The following CSTL1 variants were observed in gnomAD, a reference collection of about 807,000 sequenced individuals.
CSTL1 encodes the protein cystatin like 1.
In CSTL1, 14 loss-of-function variants were observed where a neutral mutation model predicts 14.4. That is an observed-to-expected ratio of 0.97 (90% CI 0.64 to 1.52). CSTL1 has a LOEUF of 1.52. CSTL1 is among the 40% of genes most tolerant of loss of function. The pLI is 0.00. For synonymous variants in CSTL1, 72 were observed against 67.5 expected, an observed-to-expected ratio of 1.07 and a Z score of -0.33; for missense variants, 170 against 168.7, an observed-to-expected ratio of 1.01 and a Z score of -0.04.
At chr20:23,458,227 A>G in the CSTL1 span, among the ~76,000 whole-genome samples, 1 of 152,224 alleles carries the variant, frequency 6.6e-6, no homozygotes, top group East Asian at 1.9e-4. Context: ...TCAACCTGGT[A>G]TAGAACACTC....
intron 2 of CSTL1, among the ~76,000 whole-genome samples, chr20:23,443,011 A>G (rs1986871201): frequency 6.6e-6 from 1 of 152,114 alleles, no homozygotes; most frequent in African/African-American, 2.4e-5. Context: ...TCATGGCCTC[A>G]CACTTGATCA....
At chr20:23,440,538 A>G (rs750636921) in intron 2 of CSTL1, 52 bp downstream of exon 2, 1 of 1,364,088 alleles carries the variant, frequency 7.3e-7, no homozygotes, top group Non-Finnish European at 1.0e-6. Flanking sequence ...TTGCCAGTTC[A>G]GACATGTGAG....
the CSTL1 span, among the ~76,000 whole-genome samples, chr20:23,454,109 CAG>C: frequency 2.0e-5 from 3 of 151,754 alleles, no homozygotes; most frequent in Non-Finnish European, 2.9e-5. Flanking sequence ...ACACAACACA[CAG>C]AGACACACGC....
chr20:23,450,993 C>T, the CSTL1 span, among the ~76,000 whole-genome samples: 1 of 152,034 alleles, frequency 6.6e-6, no homozygotes, highest in Non-Finnish European at 1.5e-5. Flanking sequence ...TATGTCCATC[C>T]ATCCATTTGT....
chr20:23,442,726 T>C (rs1406383441), intron 2 of CSTL1, among the ~76,000 whole-genome samples: 1 of 152,080 alleles, frequency 6.6e-6, no homozygotes, highest in Non-Finnish European at 1.5e-5. Context: ...GGTGTCTTCC[T>C]CCCAGGAGCA....
chr20:23,444,045 G>A lies in CSTL1; in HGVS notation c.330+1G>A. 4 of 1,610,116 alleles carry A rather than the reference G, an allele frequency of 2.5e-6. No individual in the cohort carries two copies. Among genetic ancestry groups the A allele is most frequent in the Non-Finnish European group, 2.6e-6 (3 of 1,176,422 alleles). On this transcript the variant is annotated splice_donor_variant, in intron 3 of 3. Coordinates refer to ENST00000347397, the MANE Select transcript of CSTL1 (RefSeq NM_138283.1). LOFTEE classifies it high-confidence loss of function. Reference sequence around the variant, plus strand: ...CCTGCAAAGCAAGAAGCTGAGAAAGGTGTGTAGTGGAAGTCATCCCAAAGG... The same window carrying A: ...CCTGCAAAGCAAGAAGCTGAGAAAGATGTGTAGTGGAAGTCATCCCAAAGG...
chr20:23,452,731 C>T, the CSTL1 span: 1 of 1,614,202 alleles, frequency 6.2e-7, no homozygotes, highest in Non-Finnish European at 8.5e-7. Context: ...AGGTTTTCTT[C>T]CTTGCTTGGT....
At chr20:23,452,797 G>C in the CSTL1 span, 5 of 1,613,566 alleles carry the variant, frequency 3.1e-6, no homozygotes, top group Non-Finnish European at 4.2e-6. Context: ...GGGCCTGCCA[G>C]GGCTCAGCCA....
At chr20:23,453,190 C>G in the CSTL1 span, among the ~76,000 whole-genome samples, 1 of 148,842 alleles carries the variant, frequency 6.7e-6, no homozygotes, top group Non-Finnish European at 1.5e-5. Context: ...GATGCCAGGA[C>G]TGGCGCATTC....
the CSTL1 span, chr20:23,459,111 A>T: frequency 6.6e-6 from 1 of 152,240 alleles, no homozygotes; most frequent in Non-Finnish European, 1.5e-5. Context: ...CTCCTCCAGG[A>T]AGCGCCTTCT....
At chr20:23,452,653 G>T in the CSTL1 span, 10 of 1,614,048 alleles carry the variant, frequency 6.2e-6, no homozygotes, top group Admixed American at 1.7e-5. Context: ...TGTTATACTG[G>T]TCGGTGATCC....
chr20:23,454,538 G>A, the CSTL1 span, among the ~76,000 whole-genome samples: 1 of 152,226 alleles, frequency 6.6e-6, no homozygotes, highest in Non-Finnish European at 1.5e-5. Flanking sequence ...GTACAGTGGA[G>A]CGCACATCCT....
At chr20:23,445,522 G>A (rs1986948930), downstream of CSTL1, among the ~76,000 whole-genome samples, 1 of 152,196 alleles carries the variant, frequency 6.6e-6, no homozygotes, top group Admixed American at 6.5e-5. Flanking sequence ...GTCTCCCAAA[G>A]TGTTGGGATT....
At chr20:23,452,021 A>AGG in the CSTL1 span, 1 of 794,520 alleles carries the variant, frequency 1.3e-6, no homozygotes. Flanking sequence ...AAGGGCAAGG[A>AGG]GCTGGTCCTA....
At chr20:23,461,114 A>G in the CSTL1 span, among the ~76,000 whole-genome samples, 1 of 152,234 alleles carries the variant, frequency 6.6e-6, no homozygotes, top group Non-Finnish European at 1.5e-5. Flanking sequence ...GCAACCATCA[A>G]CATCAAGGCA....
intron 2 of CSTL1, among the ~76,000 whole-genome samples, chr20:23,441,705 A>AT (rs953270578): frequency 2.4e-3 from 360 of 151,634 alleles, no homozygotes; most frequent in African/African-American, 8.2e-3. Flanking sequence ...GCAACCATAC[A>AT]TTTTTTTTTC....
downstream of CSTL1, among the ~76,000 whole-genome samples, chr20:23,448,886 T>A (rs1987016777): frequency 1.3e-5 from 2 of 152,222 alleles, 1 homozygote; most frequent in South Asian, 4.1e-4. Flanking sequence ...ATTATCATCA[T>A]CAATCTTTAC....
chr20:23,449,670 C>T (rs144211953), downstream of CSTL1, among the ~76,000 whole-genome samples: 5 of 152,224 alleles, frequency 3.3e-5, no homozygotes, highest in African/African-American at 1.2e-4. Context: ...TGCTTCCTCC[C>T]GTGGCTGCTG....
Position 23,439,818 on chromosome 20 carries a change from G to A in CSTL1, c.-125+12G>A, listed in dbSNP as rs978610167. ...GGAACCCAAGGAAGGTAAGAATAAT[G>A]TACCACTCCTTGCTCCATATGACTG... On this transcript the variant is annotated intron_variant, in intron 1 of 3. Coordinates refer to ENST00000347397, the MANE Select transcript of CSTL1 (RefSeq NM_138283.1). 1 of 184,282 alleles carries A rather than the reference G, an allele frequency of 5.4e-6. No homozygotes were observed. Among genetic ancestry groups the A allele is most frequent in the African/African-American group, 2.3e-5 (1 of 42,948 alleles). The allele number at this position is 184,282 out of a possible 1,614,324, so 11.4% of individuals were successfully genotyped here.
Sources: gnomAD v4.1 joint callset for allele counts (sites outside exome capture counted in the v4.1 genomes callset) on GRCh38, gnomAD v4.1.1 for gene constraint, MANE v1.5 for transcripts, NCBI Gene and HGNC (gene_info 2026-07-23, HGNC 2026-07-21) for gene names.